The following C22orf42 variants were observed in gnomAD, a reference collection of about 807,000 sequenced individuals.
C22orf42 encodes chromosome 22 open reading frame 42.
C22orf42 carries 24 observed loss-of-function variants against 31.4 expected under a neutral mutation model. The ratio of observed to expected loss-of-function variants is 0.77; its 90% CI spans 0.55 to 1.08. C22orf42 has a LOEUF of 1.08. Ranked by LOEUF, C22orf42 falls within the 50% of genes least tolerant of loss-of-function variation. The pLI, the probability that C22orf42 is intolerant of heterozygous loss-of-function variation, is 0.00. For synonymous variants in C22orf42, 96 were observed against 112.7 expected (o/e 0.85, Z 0.94); for missense variants, 276 against 327.3 (o/e 0.84, Z 1.21).
rs1227901062 is a variant in C22orf42, at chr22:32,150,687, A to C, written c.494-208T>G. 4.8e-6 allele frequency: 3 copies of C among 631,242 alleles called. No individual in the cohort carries two copies. The Admixed American group carries it at 8.8e-5, about 19-fold the overall frequency. The allele number at this position is 631,242 out of a possible 1,614,324, so 39.1% of individuals were successfully genotyped here. ...GAAAGAGCCTTGGCTTTCTAGCTAG[A>C]GCAACTTCATCAATGTGAAATAGTC... On this transcript the variant is annotated intron_variant, in intron 6 of 8. Coordinates refer to ENST00000382097, the MANE Select transcript of C22orf42 (RefSeq NM_001010859.3).
upstream of C22orf42, chr22:32,159,444 T>G (rs1603185306): frequency 4.3e-6 from 6 of 1,395,944 alleles, no homozygotes; most frequent in East Asian, 1.4e-4. Flanking sequence ...TGCCCATCCC[T>G]GCTGCTGCCC....
In C22orf42 at chr22:32,149,353, A is replaced by G; in HGVS notation, c.*187T>C. ...ACTGAGAATGTGAGCCTCAGAATGA[A>G]ATGTAAGAACACCAGGCTGCAAGAG... is the stretch of plus-strand genomic sequence containing the variant. On this transcript the variant is annotated 3_prime_UTR_variant, in exon 9 of 9. Transcript: ENST00000382097. 1.7e-6 allele frequency: 1 copy of G among 581,948 alleles called. No individual in the cohort carries two copies. Among genetic ancestry groups the G allele is most frequent in the Non-Finnish European group, 2.5e-6 (1 of 403,342 alleles). The allele number at this position is 581,948 out of a possible 1,614,324, so 36.0% of individuals were successfully genotyped here. A position where few individuals can be genotyped will look rare whatever the true frequency, so the allele number is the denominator to read the frequency against.
chr22:32,152,336 A>G lies in C22orf42; in HGVS notation c.372+226T>C, dbSNP rs528697687. ...TATTTTTCAAGGAGAAAAGGTTGCT[A>G]CTGAGAAATACACTCACTACCAAAC... On this transcript the variant is annotated intron_variant, in intron 3 of 8. Transcript: ENST00000382097. 3.3e-5 allele frequency among the ~76,000 whole-genome samples: 5 copies of G among 152,266 alleles called. No individual in the cohort carries two copies. In the South Asian group the frequency reaches 1.0e-3, roughly 32 times the overall value.
At position 32,149,534 on chromosome 22, in the gene C22orf42, G is replaced by C. The variant is rs1037639147; in HGVS notation, c.*6C>G. Reference sequence around the variant, plus strand: ...CAGGCGTCTGTAATCCCAGCTACTTGGAACACTAAAGCCGGAGAAGTCCTA... The same window carrying C: ...CAGGCGTCTGTAATCCCAGCTACTTCGAACACTAAAGCCGGAGAAGTCCTA... On this transcript the variant is annotated 3_prime_UTR_variant, in exon 9 of 9. Transcript: ENST00000382097. The C allele has an allele frequency of 6.5e-6, 10 of 1,531,770 alleles. No individual in the cohort carries two copies. Among genetic ancestry groups the C allele is most frequent in the Non-Finnish European group, 7.9e-6 (9 of 1,133,966 alleles). The allele number at this position is 1,531,770 out of a possible 1,614,324, so 94.9% of individuals were successfully genotyped here. A position where few individuals can be genotyped will look rare whatever the true frequency, so the allele number is the denominator to read the frequency against.
intron 8 of C22orf42, 39 bp from the exon 9 acceptor site, chr22:32,149,652 T>TAC: frequency 1.1e-6 from 1 of 938,484 alleles, no homozygotes; most frequent in South Asian, 3.2e-5. Flanking sequence ...AAAAAAAAAA[T>TAC]ATATATATAT....
intron 1 of C22orf42, among the ~76,000 whole-genome samples, chr22:32,157,697 G>A (rs1213859224): frequency 2.0e-5 from 3 of 152,260 alleles, no homozygotes; most frequent in African/African-American, 4.8e-5. Context: ...TCGTGAGAGT[G>A]TAGTCAGAGC....
At chr22:32,160,283 A>C (rs1268809921), upstream of C22orf42, 4 of 152,158 alleles carry the variant, frequency 2.6e-5, no homozygotes, top group Admixed American at 1.3e-4. Flanking sequence ...CTTGGAGGGG[A>C]AGTGACCTTG....
intron 7 of C22orf42, chr22:32,149,996 T>C (rs746700885): frequency 2.1e-6 from 1 of 480,430 alleles, no homozygotes; most frequent in Non-Finnish European, 3.7e-6. Context: ...CACAAAATTA[T>C]TTTTCAAGAA....
intron 7 of C22orf42, chr22:32,150,016 G>C (rs962898716): frequency 1.7e-5 from 8 of 478,122 alleles, no homozygotes; most frequent in Non-Finnish European, 2.3e-5. Flanking sequence ...AGAAAAAGTT[G>C]CTACTGAGAA....
At chr22:32,152,776 T>C (rs1380286306) in intron 2 of C22orf42, 150 bp from the exon 3 acceptor site, 6 of 741,812 alleles carry the variant, frequency 8.1e-6, no homozygotes, top group South Asian at 1.6e-5. Context: ...CTCCTTGGTG[T>C]TGAGGGAAGG....
intron 8 of C22orf42, 59 bp downstream of exon 8, chr22:32,149,694 T>C: frequency 1.7e-6 from 2 of 1,160,780 alleles, no homozygotes; most frequent in Non-Finnish European, 2.2e-6. Context: ...TCTACATATC[T>C]ATATCTATAT....
chr22:32,150,854 A>C, intron 6 of C22orf42, 138 bp downstream of exon 6: 1 of 860,328 alleles, frequency 1.2e-6, no homozygotes, highest in Non-Finnish European at 1.9e-6. Context: ...GGGAATAAAG[A>C]GGTTCTAAGA....
At position 32,154,379 on chromosome 22, in the gene C22orf42, T is replaced by G. The variant is rs1258147869; in HGVS notation, c.233-61A>C. On this transcript the variant is annotated intron_variant, in intron 1 of 8. Coordinates refer to ENST00000382097, the MANE Select transcript of C22orf42 (RefSeq NM_001010859.3). ...AAATGTATTATAATAAAGACAGTGC[T>G]TGACATGTTGCTGGCAGAGGATAGC... 5 of 1,562,262 alleles carry G rather than the reference T, an allele frequency of 3.2e-6. No homozygotes were observed. In the East Asian group the frequency reaches 1.1e-4, roughly 36 times the overall value.
intron 4 of C22orf42, among the ~76,000 whole-genome samples, chr22:32,151,805 C>T (rs1920988682): frequency 6.6e-6 from 1 of 152,168 alleles, no homozygotes; most frequent in Non-Finnish European, 1.5e-5. Flanking sequence ...AACCGGTTAA[C>T]ACAGAAAGGC....
chr22:32,151,029 GAGAAA>G lies in C22orf42; in HGVS notation c.466-15_466-11del. The G allele has an allele frequency of 3.1e-6, 5 of 1,611,080 alleles. No individual in the cohort carries two copies. The highest frequency in any genetic ancestry group is 4.2e-6 in the Non-Finnish European group (5 of 1,179,188). ...TGGCCTCAGATATTTCCTGCAGTAAGAGAAAAGAAAAAGAAACACCATGAGGATCA... is the reference window on the plus strand; with the variant it reads ...TGGCCTCAGATATTTCCTGCAGTAAGAGAAAAAGAAACACCATGAGGATCA... On this transcript the variant is annotated splice_polypyrimidine_tract_variant and intron_variant, in intron 5 of 8. Coordinates refer to ENST00000382097, the MANE Select transcript of C22orf42 (RefSeq NM_001010859.3).
In C22orf42 at chr22:32,149,496, C is replaced by T; in HGVS notation, c.*44G>A. ...ATATGCATTCATAAAATGATTTGAG[C>T]TGGGCGTGATGGCAGGCGTCTGTAA... On this transcript the variant is annotated 3_prime_UTR_variant, in exon 9 of 9. Coordinates refer to ENST00000382097, the MANE Select transcript of C22orf42 (RefSeq NM_001010859.3). 6.7e-7 allele frequency: 1 copy of T among 1,495,530 alleles called. No homozygotes were observed. 92.6% of individuals were successfully genotyped at this position (1,495,530 alleles called of 1,614,324 possible).
At chr22:32,159,740 T>C (rs1445972889), upstream of C22orf42, among the ~76,000 whole-genome samples, 2 of 152,218 alleles carry the variant, frequency 1.3e-5, no homozygotes, top group African/African-American at 2.4e-5. Context: ...CTTTTTGTCT[T>C]CAACTTGACC....
Position 32,149,328 on chromosome 22 carries a change from A to T in C22orf42, c.*212T>A. 1.6e-5 allele frequency: 7 copies of T among 425,708 alleles called. No individual in the cohort carries two copies. The highest frequency in any genetic ancestry group is 2.6e-5 in the Non-Finnish European group (7 of 269,820). The allele number at this position is 425,708 out of a possible 1,614,324, so 26.4% of individuals were successfully genotyped here. On this transcript the variant is annotated 3_prime_UTR_variant, in exon 9 of 9. Coordinates refer to ENST00000382097, the MANE Select transcript of C22orf42 (RefSeq NM_001010859.3). ...GGGGCGGGTGTTCTTCTGCATGGTG[A>T]CTGAGAATGTGAGCCTCAGAATGAA...
chr22:32,159,169 T>G lies in C22orf42; in HGVS notation c.47A>C (p.Asn16Thr). Reference protein sequence around the residue: ...TCCLGPSGGLNCDCCRPDVGP... With the variant: ...TCCLGPSGGLTCDCCRPDVGP... The stretch of plus-strand genomic sequence containing the variant: ...CACATCTGGCCTGCAGCAGTCACAG[T>G]TGAGGCCCCCGCTGGGGCCCAGGCA... Residue 16 changes from asparagine to threonine, a missense_variant, in exon 1 of 9, where the codon AAC becomes ACC. By Grantham distance (65) the Asn-to-Thr change is moderately conservative. Coordinates refer to ENST00000382097, the MANE Select transcript of C22orf42 (RefSeq NM_001010859.3). The G allele has an allele frequency of 1.2e-6, 2 of 1,614,120 alleles. 1 individual carries two copies. The highest frequency in any genetic ancestry group is 2.2e-5 in the South Asian group (2 of 91,080).
Sources: gnomAD v4.1 joint callset for allele counts (sites outside exome capture counted in the v4.1 genomes callset) on GRCh38, gnomAD v4.1.1 for gene constraint, MANE v1.5 for transcripts, NCBI Gene and HGNC (gene_info 2026-07-23, HGNC 2026-07-21) for gene names.